Variants in IL1RAPL2 observed in about 807,000 individuals in gnomAD.
The protein encoded by IL1RAPL2 is interleukin 1 receptor accessory protein like 2.
IL1RAPL2 carries 3 observed loss-of-function variants against 44.1 expected under a neutral mutation model. That is an observed-to-expected ratio of 0.07 (90% CI 0.03 to 0.18). IL1RAPL2 has a LOEUF of 0.18. Ranked by LOEUF, IL1RAPL2 falls within the 10% of genes least tolerant of loss-of-function variation. The pLI is 1.00. For synonymous variants in IL1RAPL2, 181 were observed against 178.8 expected (o/e 1.01, Z -0.10); for missense variants, 391 against 496.4 (o/e 0.79, Z 2.02).
chrX:105,379,878 T>C (rs2035416757), intron 5 of IL1RAPL2, among the ~76,000 whole-genome samples: 1 of 111,958 alleles, frequency 8.9e-6, no homozygotes, highest in Non-Finnish European at 1.9e-5. Flanking sequence ...AAACTGGGGC[T>C]CTGAGATTCT....
intron 8 of IL1RAPL2, among the ~76,000 whole-genome samples, chrX:105,747,406 G>C (rs1478330576): frequency 9.8e-6 from 1 of 101,734 alleles, no homozygotes; most frequent in Non-Finnish European, 2.0e-5. Context: ...ACATTTATTT[G>C]TGTTTCTTAC....
At chrX:105,016,855 C>G (rs1008602246) in intron 2 of IL1RAPL2, among the ~76,000 whole-genome samples, 6 of 111,215 alleles carry the variant, frequency 5.4e-5, no homozygotes, top group Non-Finnish European at 1.1e-4. Flanking sequence ...GATTCTCTCT[C>G]TTTCTGTTGT....
At chrX:105,046,005 G>A (rs1002125715) in intron 2 of IL1RAPL2, among the ~76,000 whole-genome samples, 29 of 111,176 alleles carry the variant, frequency 2.6e-4, no homozygotes, top group African/African-American at 9.5e-4. Context: ...AGTTTCTTCT[G>A]AGAGCTTGAA....
At chrX:105,762,786 AG>A (rs1349053852) in intron 10 of IL1RAPL2, among the ~76,000 whole-genome samples, 2 of 111,922 alleles carry the variant, frequency 1.8e-5, no homozygotes, top group Non-Finnish European at 3.8e-5. Flanking sequence ...AAGTCTTTTA[AG>A]GGATTCTTGC....
At chrX:104,999,953 ATT>A (rs1366353685) in intron 2 of IL1RAPL2, among the ~76,000 whole-genome samples, 1 of 97,924 alleles carries the variant, frequency 1.0e-5, no homozygotes, top group Non-Finnish European at 2.0e-5. Flanking sequence ...CACTCATAAC[ATT>A]TCTTTTTTTT....
chrX:105,531,216 T>C (rs916401264), intron 6 of IL1RAPL2, among the ~76,000 whole-genome samples: 3 of 112,042 alleles, frequency 2.7e-5, no homozygotes, highest in African/African-American at 6.5e-5. Flanking sequence ...CAACATTTCC[T>C]ATTATCTGTA....
At chrX:105,740,388 T>C (rs757407086) in intron 7 of IL1RAPL2, among the ~76,000 whole-genome samples, 158 bp from the exon 8 acceptor site, 11 of 111,953 alleles carry the variant, frequency 9.8e-5, no homozygotes, top group Non-Finnish European at 3.8e-5. Flanking sequence ...CTTTTTGTGT[T>C]TTCTTGTAGA....
At chrX:104,657,207 G>C (rs890420798) in intron 1 of IL1RAPL2, among the ~76,000 whole-genome samples, 7 of 110,953 alleles carry the variant, frequency 6.3e-5, no homozygotes, top group African/African-American at 2.3e-4. Flanking sequence ...TTGTGAATTT[G>C]ATCCTGTCAT....
intron 6 of IL1RAPL2, among the ~76,000 whole-genome samples, chrX:105,659,132 A>G (rs1330984853): frequency 9.1e-6 from 1 of 110,293 alleles, no homozygotes; most frequent in African/African-American, 3.3e-5. Context: ...GTCTCAAAAA[A>G]CAAAACAAAA....
At chrX:105,752,162 G>A (rs895317974) in intron 9 of IL1RAPL2, among the ~76,000 whole-genome samples, 4 of 111,147 alleles carry the variant, frequency 3.6e-5, no homozygotes, top group Non-Finnish European at 7.5e-5. Flanking sequence ...TATGCATGAC[G>A]CATTTACTTA....
At chrX:105,225,466 T>C (rs536586415) in intron 3 of IL1RAPL2, among the ~76,000 whole-genome samples, 13 of 110,796 alleles carry the variant, frequency 1.2e-4, no homozygotes, top group African/African-American at 3.6e-4. Context: ...AGCATGATAA[T>C]AGTGGTGATA....
intron 4 of IL1RAPL2, among the ~76,000 whole-genome samples, chrX:105,261,036 A>T (rs2034355110): frequency 8.9e-6 from 1 of 111,752 alleles, no homozygotes; most frequent in Non-Finnish European, 1.9e-5. Flanking sequence ...CCAAGTATAT[A>T]AGACTCCAGG....
rs1403208263 is a variant in IL1RAPL2 at position 104,860,394 on chromosome X, A to G, written c.82+201399A>G. ...TATCTACCTTTGTCCTTTGCATGTC[A>G]TAGGAGGCTCCTTCTCAATTTGAAA... On this transcript the variant is annotated intron_variant, in intron 2 of 10. Transcript: ENST00000372582. Among the ~76,000 whole-genome samples the G allele has an allele frequency of 2.7e-5, 3 of 111,293 alleles. 1 individual carries two copies. Among genetic ancestry groups the G allele is most frequent in the Non-Finnish European group, 5.7e-5 (3 of 52,873 alleles).
chrX:104,685,483 C>T (rs1284896242), intron 2 of IL1RAPL2, among the ~76,000 whole-genome samples: 3 of 111,479 alleles, frequency 2.7e-5, no homozygotes, highest in Non-Finnish European at 5.6e-5. Context: ...AGATTTAAAT[C>T]TGATATATGC....
At chrX:105,538,193 C>T (rs2036692791) in intron 6 of IL1RAPL2, among the ~76,000 whole-genome samples, 1 of 108,671 alleles carries the variant, frequency 9.2e-6, no homozygotes, top group Non-Finnish European at 1.9e-5. Flanking sequence ...CCCGCCACCA[C>T]GCCCGGCTAA....
At chrX:105,033,223 C>T (rs1038321581) in intron 2 of IL1RAPL2, among the ~76,000 whole-genome samples, 3 of 111,329 alleles carry the variant, frequency 2.7e-5, no homozygotes, top group East Asian at 2.8e-4. Context: ...GCCCATTTAC[C>T]TTTAAAGTTA....
intron 1 of IL1RAPL2, among the ~76,000 whole-genome samples, chrX:104,585,951 T>C (rs1928552389): frequency 9.0e-6 from 1 of 111,200 alleles, no homozygotes; most frequent in South Asian, 3.8e-4. Context: ...TTCCTTTGAG[T>C]GTGTACGCAG....
intron 2 of IL1RAPL2, among the ~76,000 whole-genome samples, chrX:104,932,052 C>T (rs1250730456): frequency 2.0e-5 from 2 of 101,350 alleles, no homozygotes; most frequent in African/African-American, 3.6e-5. Context: ...AGTGCAATGG[C>T]GTGATCTCGG....
At chrX:104,576,043 A>G (rs1293635291) in intron 1 of IL1RAPL2, among the ~76,000 whole-genome samples, 1 of 112,400 alleles carries the variant, frequency 8.9e-6, no homozygotes. Flanking sequence ...AAATAATGAT[A>G]GCTAACATTC....
Sources: gnomAD v4.1 joint callset for allele counts (sites outside exome capture counted in the v4.1 genomes callset) on GRCh38, gnomAD v4.1.1 for gene constraint, MANE v1.5 for transcripts, NCBI Gene and HGNC (gene_info 2026-07-23, HGNC 2026-07-21) for gene names.